WNT3: variants seen among roughly 807,000 people sequenced by gnomAD.
The protein encoded by WNT3 is Wnt family member 3, also known as proto-oncogene Wnt-3.
WNT3 carries 7 observed loss-of-function variants against 34.2 expected under a neutral mutation model. The observed-to-expected ratio is 0.20, with a 90% CI of 0.12 to 0.38. WNT3 has a LOEUF of 0.38. Among genes scored for constraint, WNT3 ranks in the 10% least tolerant of loss-of-function variants. The pLI, the probability that WNT3 is intolerant of heterozygous loss-of-function variation, is 1.00. For missense variants in WNT3, 267 were observed against 499.8 expected, an observed-to-expected ratio of 0.53 and a Z score of 4.44; for synonymous variants, 212 against 211.5, an observed-to-expected ratio of 1.00 and a Z score of -0.02.
rs373741266 is a variant in WNT3 at position 46,813,648 on chromosome 17, T to TC, written c.80+4869dup. ...CTGAGACCAGAAAAATCTTCCTTTT[T>TC]CCCACTTCCTTTTCCCTGGAAGGGT... On this transcript the variant is annotated intron_variant, in intron 1 of 4. Coordinates refer to ENST00000225512, the MANE Select transcript of WNT3 (RefSeq NM_030753.5). 4.7e-3 allele frequency among the ~76,000 whole-genome samples: 717 copies of TC among 152,198 alleles called. 3 individuals carry two copies. The highest frequency in any genetic ancestry group is 7.1e-3 in the Admixed American group (109 of 15,288).
At chr17:46,774,007 A>C (rs1160603933) in intron 1 of WNT3, 98 bp from the exon 2 acceptor site, 1 of 1,508,568 alleles carries the variant, frequency 6.6e-7, no homozygotes, top group Non-Finnish European at 8.9e-7. Context: ...GTAGGTGGAG[A>C]GGCAGAGGGC....
At position 46,808,983 on chromosome 17, in the gene WNT3, C is replaced by G. The variant is rs753848582; in HGVS notation, c.80+9535G>C. 2.0e-5 allele frequency among the ~76,000 whole-genome samples: 3 copies of G among 152,126 alleles called. No individual in the cohort carries two copies. The East Asian group carries it at 5.8e-4, about 29-fold the overall frequency. On this transcript the variant is annotated intron_variant, in intron 1 of 4. Transcript: ENST00000225512. Reference sequence around the variant, plus strand: ...TGAGCCAAGTGGGGTCCGAGCTGAGCAGCGCAGAGCAGACTGACCCCAGGT... The same window carrying G: ...TGAGCCAAGTGGGGTCCGAGCTGAGGAGCGCAGAGCAGACTGACCCCAGGT...
intron 1 of WNT3, among the ~76,000 whole-genome samples, chr17:46,816,335 C>T (rs932112972): frequency 6.6e-6 from 1 of 151,956 alleles, no homozygotes; most frequent in Non-Finnish European, 1.5e-5. Context: ...ACAGCACAAC[C>T]TGTCGTGGGC....
At chr17:46,792,907 C>G (rs1049162884) in intron 1 of WNT3, among the ~76,000 whole-genome samples, 1 of 151,858 alleles carries the variant, frequency 6.6e-6, no homozygotes, top group Admixed American at 6.6e-5. Flanking sequence ...GACATGGGCT[C>G]AGAGAGGCCA....
At chr17:46,799,460 T>C (rs2084096687) in intron 1 of WNT3, among the ~76,000 whole-genome samples, 1 of 151,452 alleles carries the variant, frequency 6.6e-6, no homozygotes, top group South Asian at 2.1e-4. Context: ...TTTTTTTTTT[T>C]TTTTCGAGAT....
intron 1 of WNT3, among the ~76,000 whole-genome samples, chr17:46,799,811 T>C (rs957860620): frequency 3.9e-5 from 6 of 152,174 alleles, no homozygotes; most frequent in African/African-American, 1.4e-4. Context: ...TTTATTCCCA[T>C]TATACAGAGG....
At position 46,817,323 on chromosome 17, in the gene WNT3, G is replaced by A. The variant is rs1156916601; in HGVS notation, c.80+1195C>T. On this transcript the variant is annotated intron_variant, in intron 1 of 4. Transcript: ENST00000225512. ...CTTCTTTCTGACTTTCACCCCGGGGGCCACAGCCCACTTCTCACTCACAGA... is the reference window on the plus strand; with the variant it reads ...CTTCTTTCTGACTTTCACCCCGGGGACCACAGCCCACTTCTCACTCACAGA... 3.9e-5 allele frequency among the ~76,000 whole-genome samples: 6 copies of A among 152,164 alleles called. No individual in the cohort carries two copies. In the East Asian group the frequency reaches 1.2e-3, roughly 29 times the overall value.
intron 2 of WNT3, 72 bp downstream of exon 2, chr17:46,773,596 G>C (rs2059391471): frequency 6.8e-7 from 1 of 1,463,522 alleles, no homozygotes; most frequent in Non-Finnish European, 9.2e-7. Context: ...CCCTGACTGG[G>C]GTGGAAGGGC....
At chr17:46,795,822 C>T in intron 1 of WNT3, among the ~76,000 whole-genome samples, 1 of 152,136 alleles carries the variant, frequency 6.6e-6, no homozygotes, top group East Asian at 1.9e-4. Flanking sequence ...ACTCCTTCTC[C>T]TTCACTTGTG....
intron 1 of WNT3, among the ~76,000 whole-genome samples, chr17:46,795,460 G>A (rs975463631): frequency 6.6e-6 from 1 of 152,128 alleles, no homozygotes; most frequent in African/African-American, 2.4e-5. Context: ...GCAAAGGGAC[G>A]ACAGCAAATT....
intron 1 of WNT3, among the ~76,000 whole-genome samples, chr17:46,787,160 C>T (rs999697889): frequency 1.5e-4 from 23 of 151,994 alleles, no homozygotes; most frequent in African/African-American, 5.6e-4. Context: ...GGCTGGGTTT[C>T]GAACTCCTGG....
In WNT3 at chr17:46,768,428, G is replaced by A. The variant is rs772879625; in HGVS notation, c.960C>T (p.Asn320=). Reference sequence around the variant, plus strand: ...TTTCCTTCCGCTTCTCCGTCCTCGTGTTGTGGCCCCGGCCACAGCAGAGCA... The same window carrying A: ...TTTCCTTCCGCTTCTCCGTCCTCGTATTGTGGCCCCGGCCACAGCAGAGCA... ...CDLLCCGRGH[N]TRTEKRKEKC... is the part of the protein sequence containing the mutation. The change falls in exon 4 of 5, where the codon AAC becomes AAT. Residue 320 remains asparagine (N), a synonymous_variant. Coordinates refer to ENST00000225512, the MANE Select transcript of WNT3 (RefSeq NM_030753.5). This position sits in a 1 kb window ranked among gnomAD's most constrained non-coding sequence, Gnocchi z 5.0. The A allele has an allele frequency of 1.9e-6, 3 of 1,613,960 alleles. No homozygotes were observed. The highest frequency in any genetic ancestry group is 1.1e-5 in the South Asian group (1 of 91,090).
intron 1 of WNT3, among the ~76,000 whole-genome samples, chr17:46,810,536 C>A (rs144845172): frequency 1.3e-5 from 2 of 152,300 alleles, no homozygotes; most frequent in African/African-American, 4.8e-5. Context: ...GCCCTGCAAG[C>A]AGGCAGGGCA....
At chr17:46,813,091 G>C (rs2084297276) in intron 1 of WNT3, among the ~76,000 whole-genome samples, 1 of 152,048 alleles carries the variant, frequency 6.6e-6, no homozygotes, top group Non-Finnish European at 1.5e-5. Context: ...GGCTTGGCAG[G>C]AGTGGGGCAG....
intron 1 of WNT3, among the ~76,000 whole-genome samples, chr17:46,783,650 C>T (rs573421316): frequency 1.2e-4 from 19 of 152,262 alleles, no homozygotes; most frequent in African/African-American, 3.1e-4. Context: ...TCAGGGCGAG[C>T]GATCTCTAGG....
intron 1 of WNT3, among the ~76,000 whole-genome samples, chr17:46,782,918 G>C (rs371033799): frequency 6.6e-6 from 1 of 152,212 alleles, no homozygotes. Context: ...CAGGGCCAAG[G>C]GTAGGGGGTT....
Position 46,770,086 on chromosome 17 carries a change from G to A in WNT3, c.323-38C>T, listed in dbSNP as rs1201314396. The A allele has an allele frequency of 4.6e-6, 7 of 1,508,902 alleles. No individual in the cohort carries two copies. In the South Asian group the frequency reaches 5.1e-5, roughly 11 times the overall value. The allele number at this position is 1,508,902 out of a possible 1,614,324, so 93.5% of individuals were successfully genotyped here. On this transcript the variant is annotated intron_variant, in intron 2 of 4. Coordinates refer to ENST00000225512, the MANE Select transcript of WNT3 (RefSeq NM_030753.5). Reference sequence around the variant, plus strand: ...CGTGGGGAGGCAGCACTCAGGACCCGGCCTGGGAGCGCCTGCCCTGCCTCC... The same window carrying A: ...CGTGGGGAGGCAGCACTCAGGACCCAGCCTGGGAGCGCCTGCCCTGCCTCC...
chr17:46,799,913 T>G (rs1310091256), intron 1 of WNT3, among the ~76,000 whole-genome samples: 2 of 152,154 alleles, frequency 1.3e-5, no homozygotes, highest in Non-Finnish European at 2.9e-5. Context: ...CACAGGTGGT[T>G]CTGTCACAGA....
At chr17:46,786,745 T>C (rs1370813500) in intron 1 of WNT3, among the ~76,000 whole-genome samples, 1 of 152,162 alleles carries the variant, frequency 6.6e-6, no homozygotes, top group Non-Finnish European at 1.5e-5. Context: ...AGAGGCCTAC[T>C]TGGGGTCACA....
Sources: gnomAD v4.1 joint callset for allele counts (sites outside exome capture counted in the v4.1 genomes callset) on GRCh38, gnomAD v4.1.1 for gene constraint, Gnocchi (gnomAD v3.1) non-coding constraint, MANE v1.5 for transcripts, NCBI Gene and HGNC (gene_info 2026-07-23, HGNC 2026-07-21) for gene names.